PVT1: variants seen among roughly 807,000 people sequenced by gnomAD.
The protein encoded by PVT1 is Pvt1 oncogene, also known as CXCR4/PVT1 fusion.
At chr8:127,841,344 G>A (rs914197284) in intron 2 of PVT1, among the ~76,000 whole-genome samples, 8 of 152,120 alleles carry the variant, frequency 5.3e-5, no homozygotes, top group East Asian at 1.9e-4. Flanking sequence ...TGCCATCTTG[G>A]CTCACTGCAA....
At chr8:127,835,284 A>G (rs1366624429) in intron 2 of PVT1, among the ~76,000 whole-genome samples, 2 of 152,236 alleles carry the variant, frequency 1.3e-5, no homozygotes, top group Non-Finnish European at 2.9e-5. Context: ...GAATGCATTC[A>G]TGTCCTTTGC....
rs1202727973 is a variant in PVT1, at chr8:127,984,994, T to TTTCCTTCC, written n.783-4133_783-4126dup. On this transcript the variant is annotated intron_variant and non_coding_transcript_variant, in intron 3 of 10. Transcript: ENST00000651587. ...TCCTTCCTTCCTTTCTTTCTTTCTC[T>TTTCCTTCC]TTCCTTCCTTCCTTCCTTCCTTCCT... is the stretch of plus-strand genomic sequence containing the variant. 3.6e-3 allele frequency among the ~76,000 whole-genome samples: 245 copies of TTTCCTTCC among 67,132 alleles called. 16 individuals carry two copies. Among genetic ancestry groups the TTTCCTTCC allele is most frequent in the African/African-American group, 0.013 (207 of 16,038 alleles). The allele number at this position is 67,132 out of a possible 152,430, so 44.0% of individuals were successfully genotyped here.
chr8:128,040,550 C>G (rs1169192736), intron 4 of PVT1, among the ~76,000 whole-genome samples: 1 of 152,126 alleles, frequency 6.6e-6, no homozygotes, highest in Non-Finnish European at 1.5e-5. Flanking sequence ...TTTGGATATC[C>G]AAAATTTATG....
At chr8:127,845,717 T>A (rs1006613108) in intron 2 of PVT1, among the ~76,000 whole-genome samples, 4 of 152,230 alleles carry the variant, frequency 2.6e-5, no homozygotes, top group African/African-American at 9.6e-5. Context: ...GCAGATGAAC[T>A]GCCCAGGGTG....
At chr8:127,977,215 G>A (rs1398003241) in intron 3 of PVT1, among the ~76,000 whole-genome samples, 1 of 152,084 alleles carries the variant, frequency 6.6e-6, no homozygotes, top group African/African-American at 2.4e-5. Context: ...ATCACCCTCA[G>A]AAATAAGGAT....
chr8:127,804,290 T>G (rs2129648245), intron 2 of PVT1, among the ~76,000 whole-genome samples: 1 of 152,256 alleles, frequency 6.6e-6, no homozygotes, highest in Admixed American at 6.5e-5. Flanking sequence ...TTTCTTGAGT[T>G]GAATACAAAC....
chr8:127,811,107 A>G (rs1814589762), intron 2 of PVT1, among the ~76,000 whole-genome samples: 1 of 152,126 alleles, frequency 6.6e-6, no homozygotes, highest in Admixed American at 6.6e-5. Context: ...TCTAGATGTT[A>G]TCAGAGAGAT....
At chr8:127,880,547 C>T (rs148446279) in intron 2 of PVT1, among the ~76,000 whole-genome samples, 5,243 of 149,508 alleles carry the variant, frequency 0.035, 325 homozygotes, top group African/African-American at 0.12. Flanking sequence ...CCGCCTGTCT[C>T]GGTCTCCCAA....
intron 4 of PVT1, among the ~76,000 whole-genome samples, chr8:128,034,417 T>C (rs1160377665): frequency 1.3e-5 from 2 of 152,194 alleles, no homozygotes; most frequent in Non-Finnish European, 2.9e-5. Flanking sequence ...TTGCTGACTT[T>C]CCATTTTGGA....
At chr8:127,831,068 A>ATGTGTGTGTGTG (rs1389270534) in intron 2 of PVT1, among the ~76,000 whole-genome samples, 3 of 148,790 alleles carry the variant, frequency 2.0e-5, no homozygotes, top group African/African-American at 7.4e-5. Flanking sequence ...GTGTGTGTAT[A>ATGTGTGTGTGTG]TATATATAGA....
At chr8:127,914,840 C>T (rs1173730834) in intron 3 of PVT1, among the ~76,000 whole-genome samples, 8 of 145,656 alleles carry the variant, frequency 5.5e-5, no homozygotes, top group Admixed American at 2.7e-4. Context: ...TTTTTGAGAC[C>T]GAGTTTCCCT....
At position 127,885,098 on chromosome 8, in the gene PVT1, G is replaced by A. The variant is rs564029233; in HGVS notation, n.373-5491G>A. Among the ~76,000 whole-genome samples the A allele has an allele frequency of 2.6e-5, 4 of 151,576 alleles. 1 individual carries two copies. The highest frequency in any genetic ancestry group is 4.2e-4 in the South Asian group (2 of 4,806). Reference sequence around the variant, plus strand: ...TTGTAAGTGGCCCCTCTCAGCTGACGGTACTCCAGTCCTGACATTCAGGAG... The same window carrying A: ...TTGTAAGTGGCCCCTCTCAGCTGACAGTACTCCAGTCCTGACATTCAGGAG... On this transcript the variant is annotated intron_variant and non_coding_transcript_variant, in intron 2 of 10. Transcript: ENST00000651587.
intron 3 of PVT1, among the ~76,000 whole-genome samples, chr8:127,980,771 G>C (rs1235373515): frequency 2.7e-5 from 4 of 149,220 alleles, no homozygotes; most frequent in Non-Finnish European, 5.9e-5. Context: ...TCCTCTGTGA[G>C]TCACCAAAAA....
chr8:128,036,525 C>T (rs564274202), intron 4 of PVT1, among the ~76,000 whole-genome samples: 1 of 152,284 alleles, frequency 6.6e-6, no homozygotes, highest in South Asian at 2.1e-4. Flanking sequence ...TGGGAGGAGG[C>T]AGGGGTGCCC....
chr8:127,919,532 G>A (rs1490433828), intron 3 of PVT1, among the ~76,000 whole-genome samples: 2 of 152,182 alleles, frequency 1.3e-5, no homozygotes, highest in African/African-American at 4.8e-5. Context: ...TCTGAGTGGG[G>A]TCTGCCCCCT....
intron 2 of PVT1, among the ~76,000 whole-genome samples, chr8:127,850,345 G>T (rs940132827): frequency 6.6e-6 from 1 of 152,174 alleles, no homozygotes; most frequent in African/African-American, 2.4e-5. Context: ...AATCTCTGTG[G>T]CTTGTTTGAT....
chr8:127,811,984 G>C (rs1236308393), intron 2 of PVT1, among the ~76,000 whole-genome samples: 1 of 152,046 alleles, frequency 6.6e-6, no homozygotes. Context: ...GCTCGTGCCT[G>C]TAATCCCAGC....
At chr8:128,008,875 A>T (rs887361336) in intron 4 of PVT1, 3 of 500,568 alleles carry the variant, frequency 6.0e-6, no homozygotes, top group African/African-American at 5.8e-5. Flanking sequence ...AGCTATGGTC[A>T]GGCTTACATG....
intron 2 of PVT1, among the ~76,000 whole-genome samples, chr8:127,828,876 C>T (rs900453322): frequency 8.5e-5 from 13 of 152,084 alleles, no homozygotes; most frequent in African/African-American, 3.1e-4. Flanking sequence ...GTGCCTCCAC[C>T]AGTTAAAGAT....
Sources: allele counts gnomAD v4.1 joint callset (sites outside exome capture counted in the v4.1 genomes callset), GRCh38; gene constraint gnomAD v4.1.1; transcripts MANE v1.5; gene names NCBI Gene and HGNC (gene_info 2026-07-23, HGNC 2026-07-21).